Variants in GAREM1 observed in about 807,000 individuals in gnomAD.
GAREM1 encodes GRB2 associated regulator of MAPK1 subtype 1.
GAREM1 carries 26 observed loss-of-function variants against 71.3 expected under a neutral mutation model. That is an observed-to-expected ratio of 0.36 (90% confidence interval 0.27 to 0.51). The LOEUF (loss-of-function observed/expected upper bound fraction) is 0.51, where lower values mean the gene tolerates loss of function less well. GAREM1 is among the 20% of genes least tolerant of loss of function. GAREM1 has a pLI of 0.95. For missense variants in GAREM1, 1,026 were observed against 1,103.1 expected, an observed-to-expected ratio of 0.93 and a Z score of 0.99; for synonymous variants, 440 against 433.2, an observed-to-expected ratio of 1.02 and a Z score of -0.20.
rs915540776 is a variant in GAREM1, at chr18:32,266,737, G to T, written c.*1134C>A. On this transcript the variant is annotated 3_prime_UTR_variant, in exon 6 of 6. Transcript: ENST00000269209. ...CGGTGCGTCTGATTTCTCAGCTCTC[G>T]TAAAGCATGAAGTAGGTTGAGAATG... 2 of 152,132 alleles carry T rather than the reference G, an allele frequency of 1.3e-5. No individual in the cohort carries two copies. Among genetic ancestry groups the T allele is most frequent in the African/African-American group, 2.4e-5 (1 of 41,430 alleles). The allele number at this position is 152,132 out of a possible 1,614,324, so 9.4% of individuals were successfully genotyped here. A position where few individuals can be genotyped will look rare whatever the true frequency, so the allele number is the denominator to read the frequency against.
chr18:32,276,352 A>G (rs1365516789), intron 4 of GAREM1, among the ~76,000 whole-genome samples: 2 of 152,208 alleles, frequency 1.3e-5, no homozygotes, highest in African/African-American at 4.8e-5. Context: ...TACAGCCTCT[A>G]TTAATTCCAC....
rs764195021 is a variant in GAREM1 at position 32,287,932 on chromosome 18, C to T, written c.665G>A (p.Arg222Gln). The T allele has an allele frequency of 3.0e-5, 49 of 1,613,810 alleles. No individual in the cohort carries two copies. Among genetic ancestry groups the T allele is most frequent in the Non-Finnish European group, 3.6e-5 (42 of 1,180,006 alleles). The change falls in exon 4 of 6, where the codon CGA becomes CAA. Residue 222 changes from arginine (R) to glutamine (Q), a missense_variant. By Grantham distance (43) the Arg-to-Gln change is conservative (BLOSUM62 1). Coordinates refer to ENST00000269209, the MANE Select transcript of GAREM1 (RefSeq NM_001242409.2). This position sits in a 1 kb window ranked among gnomAD's most constrained non-coding sequence, Gnocchi z 5.9. The part of the protein sequence containing the change: ...PFQCKGRFST[R>Q]SPLELQMQEG... ...TTGCATCTGAAGTTCCAGGGGACTT[C>T]GGGTGCTAAATCTGCCCTTGCACTG...
chr18:32,278,333 G>A (rs1450727629), intron 4 of GAREM1, among the ~76,000 whole-genome samples: 1 of 152,154 alleles, frequency 6.6e-6, no homozygotes, highest in African/African-American at 2.4e-5. Flanking sequence ...GGGCGTGGGG[G>A]AGAGAGTATA....
chr18:32,319,013 C>A (rs1437265281), intron 2 of GAREM1, among the ~76,000 whole-genome samples: 1 of 152,092 alleles, frequency 6.6e-6, no homozygotes, highest in African/African-American at 2.4e-5. Flanking sequence ...AGGGGAGGGT[C>A]CAGGTCTGTG....
At chr18:32,330,412 T>C (rs1046748353) in intron 2 of GAREM1, among the ~76,000 whole-genome samples, 2 of 152,078 alleles carry the variant, frequency 1.3e-5, no homozygotes, top group Non-Finnish European at 2.9e-5. Context: ...TAGGCTCACT[T>C]ACATGGGTGA....
At chr18:32,353,072 C>G (rs147623664) in intron 2 of GAREM1, among the ~76,000 whole-genome samples, 1 of 152,110 alleles carries the variant, frequency 6.6e-6, no homozygotes, top group African/African-American at 2.4e-5. Flanking sequence ...ATAAGTCAGA[C>G]GTTAACAGAT....
chr18:32,350,703 G>A (rs994855849), intron 2 of GAREM1, among the ~76,000 whole-genome samples: 1 of 152,122 alleles, frequency 6.6e-6, no homozygotes, highest in Non-Finnish European at 1.5e-5. Context: ...AATTCTTAAA[G>A]TGTGTCCATT....
chr18:32,271,480 A>G (rs1190312610), intron 4 of GAREM1, among the ~76,000 whole-genome samples: 1 of 152,166 alleles, frequency 6.6e-6, no homozygotes, highest in Non-Finnish European at 1.5e-5. Flanking sequence ...ACATTGAGCC[A>G]GGCAAGGGCT....
chr18:32,334,584 G>A (rs2047570482), intron 2 of GAREM1, among the ~76,000 whole-genome samples: 2 of 152,188 alleles, frequency 1.3e-5, no homozygotes, highest in South Asian at 2.1e-4. Context: ...ACATGGAAGC[G>A]GAGGAACAGG....
chr18:32,312,042 C>A (rs1362158226), intron 2 of GAREM1, among the ~76,000 whole-genome samples: 1 of 152,168 alleles, frequency 6.6e-6, no homozygotes, highest in Non-Finnish European at 1.5e-5. Context: ...TTGACTGAGA[C>A]AGGACAGCTT....
chr18:32,427,285 T>C lies in GAREM1; in HGVS notation c.122-34250A>G, dbSNP rs554706503. Among the ~76,000 whole-genome samples, 5 of 152,348 alleles carry C rather than the reference T, an allele frequency of 3.3e-5. No individual in the cohort carries two copies. The East Asian group carries it at 7.7e-4, about 23-fold the overall frequency. On this transcript the variant is annotated intron_variant, in intron 1 of 5. Coordinates refer to ENST00000269209, the MANE Select transcript of GAREM1 (RefSeq NM_001242409.2). ...TACCATTTACTGAGCAGCAATTCTT[T>C]TCCAGGAAACATATTAAGTGTTTAA...
Position 32,283,365 on chromosome 18 carries a change from T to C in GAREM1, c.1566+3666A>G, listed in dbSNP as rs372371629. 2.0e-4 allele frequency among the ~76,000 whole-genome samples: 30 copies of C among 152,120 alleles called. No homozygotes were observed. In the East Asian group the frequency reaches 5.4e-3, roughly 27 times the overall value. The stretch of plus-strand genomic sequence containing the variant: ...CTCAAGACCAGCCTGGCCAACATGG[T>C]GAAACCCCATCTCTACTAAAAATAC... On this transcript the variant is annotated intron_variant, in intron 4 of 5. Coordinates refer to ENST00000269209, the MANE Select transcript of GAREM1 (RefSeq NM_001242409.2).
chr18:32,309,508 G>T (rs1438126476), intron 3 of GAREM1, among the ~76,000 whole-genome samples: 1 of 132,840 alleles, frequency 7.5e-6, no homozygotes, highest in African/African-American at 2.9e-5. Context: ...CCCAGCTGCT[G>T]GGGAGACTGA....
chr18:32,421,866 C>G (rs1231592971), intron 1 of GAREM1, among the ~76,000 whole-genome samples: 1 of 152,140 alleles, frequency 6.6e-6, no homozygotes, highest in Non-Finnish European at 1.5e-5. Context: ...ACCTTTCCAG[C>G]ACATCATCCT....
intron 1 of GAREM1, among the ~76,000 whole-genome samples, chr18:32,432,298 G>T (rs1015058869): frequency 6.6e-6 from 1 of 152,004 alleles, no homozygotes; most frequent in African/African-American, 2.4e-5. Flanking sequence ...AACATTAAAT[G>T]CTTACATTAT....
chr18:32,311,626 G>A (rs1170375495), intron 2 of GAREM1, among the ~76,000 whole-genome samples: 1 of 152,074 alleles, frequency 6.6e-6, no homozygotes, highest in Non-Finnish European at 1.5e-5. Context: ...CTTGGTAGTT[G>A]CAGTTAGAGG....
chr18:32,455,502 C>T (rs907224204), intron 1 of GAREM1, among the ~76,000 whole-genome samples: 3 of 152,124 alleles, frequency 2.0e-5, no homozygotes, highest in African/African-American at 4.8e-5. Context: ...GAAACACACA[C>T]GCACATACAC....
At chr18:32,314,728 A>G (rs2047359391) in intron 2 of GAREM1, among the ~76,000 whole-genome samples, 1 of 151,760 alleles carries the variant, frequency 6.6e-6, no homozygotes, top group Admixed American at 6.6e-5. Flanking sequence ...AGCTGGGATT[A>G]CAGGCATGCA....
At chr18:32,373,248 T>C (rs1370272647) in intron 2 of GAREM1, among the ~76,000 whole-genome samples, 1 of 152,216 alleles carries the variant, frequency 6.6e-6, no homozygotes, top group African/African-American at 2.4e-5. Context: ...TTGTTTATAA[T>C]GTCAAAACTC....
Sources: gnomAD v4.1 joint callset for allele counts (sites outside exome capture counted in the v4.1 genomes callset) on GRCh38, gnomAD v4.1.1 for gene constraint, Gnocchi (gnomAD v3.1) non-coding constraint, MANE v1.5 for transcripts, NCBI Gene and HGNC (gene_info 2026-07-23, HGNC 2026-07-21) for gene names.